Variants in SSBP3 observed in about 807,000 individuals in gnomAD.
SSBP3 encodes the protein single-stranded DNA-binding protein 3.
In SSBP3, 5 loss-of-function variants were observed where a neutral mutation model predicts 69.6. The observed-to-expected ratio is 0.07, with a 90% CI of 0.04 to 0.15. The LOEUF (loss-of-function observed/expected upper bound fraction) is 0.15, where lower values mean the gene tolerates loss of function less well. Among genes scored for constraint, SSBP3 ranks in the 10% least tolerant of loss-of-function variants. SSBP3 has a pLI of 1.00. For missense variants in SSBP3, 312 were observed against 534.0 expected, an observed-to-expected ratio of 0.58 and a Z score of 4.10; for synonymous variants, 196 against 193.4, an observed-to-expected ratio of 1.01 and a Z score of -0.11.
intron 4 of SSBP3, among the ~76,000 whole-genome samples, chr1:54,306,705 TA>T (rs1228174999): frequency 2.6e-5 from 4 of 152,292 alleles, no homozygotes; most frequent in African/African-American, 9.6e-5. Flanking sequence ...GATATAAATA[TA>T]AAAACCACCT....
chr1:54,393,562 G>T (rs1648648991), intron 4 of SSBP3, among the ~76,000 whole-genome samples: 1 of 152,250 alleles, frequency 6.6e-6, no homozygotes, highest in Non-Finnish European at 1.5e-5. Flanking sequence ...GGCCCTGACA[G>T]TAGAATCCTT....
chr1:54,367,533 G>A (rs756424345), intron 4 of SSBP3, among the ~76,000 whole-genome samples: 49 of 152,198 alleles, frequency 3.2e-4, no homozygotes, highest in Non-Finnish European at 5.7e-4. Flanking sequence ...AAGCAGTGTT[G>A]GAAGAATGAG....
At chr1:54,273,192 C>T (rs1645225693) in intron 5 of SSBP3, among the ~76,000 whole-genome samples, 1 of 152,252 alleles carries the variant, frequency 6.6e-6, no homozygotes, top group South Asian at 2.1e-4. Context: ...AACTGGGCGG[C>T]AGACATTGAT....
chr1:54,232,715 G>C (rs2100572871), intron 14 of SSBP3, among the ~76,000 whole-genome samples: 1 of 151,688 alleles, frequency 6.6e-6, no homozygotes, highest in South Asian at 2.1e-4. Context: ...GCCTCAGCCT[G>C]CCGAGTGCCT....
At chr1:54,361,098 GAACT>G (rs1018379466) in intron 4 of SSBP3, among the ~76,000 whole-genome samples, 3 of 151,828 alleles carry the variant, frequency 2.0e-5, no homozygotes, top group Admixed American at 6.6e-5. Context: ...TCAAAAAAAA[GAACT>G]AACTAAGATA....
chr1:54,361,544 G>T lies in SSBP3; in HGVS notation c.276+40317C>A, dbSNP rs1394459599. ...CCCCAATAGAGCAAGGCCCTCCCAG[G>T]CTGAACGGAATTCACAGAGCCTCTT... On this transcript the variant is annotated intron_variant, in intron 4 of 17. Coordinates refer to ENST00000610401, the Ensembl canonical transcript of SSBP3. Among the ~76,000 whole-genome samples the T allele has an allele frequency of 2.0e-5, 3 of 152,194 alleles. No individual in the cohort carries two copies. In the East Asian group the frequency reaches 5.8e-4, roughly 29 times the overall value.
At chr1:54,299,106 A>G (rs75310624) in intron 4 of SSBP3, among the ~76,000 whole-genome samples, 3,409 of 152,158 alleles carry the variant, frequency 0.022, 135 homozygotes, top group African/African-American at 0.078. Flanking sequence ...AGGGAAGACA[A>G]TATTTTAGAA....
intron 4 of SSBP3, among the ~76,000 whole-genome samples, chr1:54,294,316 CT>C (rs1451038512): frequency 1.7e-4 from 26 of 152,034 alleles, no homozygotes; most frequent in African/African-American, 5.8e-4. Flanking sequence ...CAACTCGCCC[CT>C]CCCCTCCAAA....
intron 9 of SSBP3, among the ~76,000 whole-genome samples, chr1:54,244,420 AT>A (rs560289127): frequency 6.0e-5 from 9 of 148,938 alleles, no homozygotes; most frequent in Non-Finnish European, 1.3e-4. Context: ...TAATTTTTAA[AT>A]TTTTTTGTAG....
chr1:54,316,919 C>T (rs562428462), intron 4 of SSBP3, among the ~76,000 whole-genome samples: 7 of 152,204 alleles, frequency 4.6e-5, no homozygotes, highest in African/African-American at 7.2e-5. Context: ...CATCCTCACA[C>T]GGCATCCCTT....
At chr1:54,351,042 G>A (rs1214557748) in intron 4 of SSBP3, among the ~76,000 whole-genome samples, 2 of 152,094 alleles carry the variant, frequency 1.3e-5, no homozygotes, top group Non-Finnish European at 2.9e-5. Flanking sequence ...TGCCCAGGCT[G>A]GTCTCGAACT....
intron 17 of SSBP3, among the ~76,000 whole-genome samples, chr1:54,227,726 C>T (rs892590144): frequency 1.6e-4 from 24 of 152,144 alleles, no homozygotes; most frequent in Admixed American, 1.5e-3. Flanking sequence ...TATAGGCATG[C>T]GACACTACAC....
intron 4 of SSBP3, among the ~76,000 whole-genome samples, chr1:54,375,354 G>T (rs1647202571): frequency 2.2e-5 from 1 of 46,160 alleles, no homozygotes; most frequent in Non-Finnish European, 3.8e-5. Context: ...ATGCATGCAT[G>T]CATGCATTCA....
intron 5 of SSBP3, among the ~76,000 whole-genome samples, chr1:54,260,888 C>A (rs1645006758): frequency 1.3e-5 from 2 of 152,216 alleles, no homozygotes; most frequent in Admixed American, 1.3e-4. Flanking sequence ...AAAATGATAC[C>A]ACATTCTTGA....
At chr1:54,394,387 C>T (rs562517959) in intron 4 of SSBP3, among the ~76,000 whole-genome samples, 1 of 152,282 alleles carries the variant, frequency 6.6e-6, no homozygotes, top group East Asian at 1.9e-4. Context: ...CCACTGCCCC[C>T]CCAACTCCAT....
chr1:54,322,782 C>T (rs1646237080), intron 4 of SSBP3, among the ~76,000 whole-genome samples: 1 of 152,160 alleles, frequency 6.6e-6, no homozygotes, highest in Non-Finnish European at 1.5e-5. Context: ...CATCCATCCA[C>T]TTATGCGTCA....
At chr1:54,277,891 G>C (rs1396610303) in intron 5 of SSBP3, among the ~76,000 whole-genome samples, 1 of 152,086 alleles carries the variant, frequency 6.6e-6, no homozygotes, top group African/African-American at 2.4e-5. Context: ...AGCCAAGCTG[G>C]GTTTGCCAGA....
At chr1:54,291,582 C>T (rs1410905950) in intron 4 of SSBP3, among the ~76,000 whole-genome samples, 3 of 152,270 alleles carry the variant, frequency 2.0e-5, no homozygotes, top group African/African-American at 7.2e-5. Context: ...TCGTCCCCCA[C>T]TCTGAGTCAA....
chr1:54,258,120 G>A lies in SSBP3; in HGVS notation c.396C>T (p.His132=), dbSNP rs1422028239. The change falls in exon 6 of 18, where the codon CAC becomes CAT. Residue 132 remains histidine, a synonymous_variant. Transcript: ENST00000610401. This position sits in a 1 kb window ranked among gnomAD's most constrained non-coding sequence, Gnocchi z 4.5. ...TAGGATTGTGAGGTGGAGGCTGTGC[G>A]TGCGGCGAGGGCTGTGACCCCGGAG... The A allele has an allele frequency of 3.1e-6, 5 of 1,598,080 alleles. No individual in the cohort carries two copies. Among genetic ancestry groups the A allele is most frequent in the African/African-American group, 1.3e-5 (1 of 74,670 alleles).
Sources: gnomAD v4.1 joint callset for allele counts (sites outside exome capture counted in the v4.1 genomes callset) on GRCh38, gnomAD v4.1.1 for gene constraint, Gnocchi (gnomAD v3.1) non-coding constraint, MANE v1.5 for transcripts, NCBI Gene and HGNC (gene_info 2026-07-23, HGNC 2026-07-21) for gene names.